The following RASA2 variants were observed in gnomAD, a reference collection of about 807,000 sequenced individuals.
RASA2 encodes ras GTPase-activating protein 2.
RASA2 carries 155 observed loss-of-function variants against 118.2 expected under a neutral mutation model. The ratio of observed to expected loss-of-function variants is 1.31; its 90% confidence interval spans 1.15 to 1.50. The LOEUF (loss-of-function observed/expected upper bound fraction) is 1.50. RASA2 is among the 40% of genes most tolerant of loss of function. The pLI, the probability that RASA2 is intolerant of heterozygous loss-of-function variation, is 0.00. For missense variants in RASA2, 1,016 were observed against 1,009.6 expected, an observed-to-expected ratio of 1.01 and a Z score of -0.09; for synonymous variants, 353 against 349.1, an observed-to-expected ratio of 1.01 and a Z score of -0.12.
chr3:141,490,251 C>G (rs939265941), intron 1 of RASA2, among the ~76,000 whole-genome samples: 1 of 150,714 alleles, frequency 6.6e-6, no homozygotes, highest in African/African-American at 2.4e-5. Context: ...GTACTCGACT[C>G]CATTCTTCGG....
chr3:141,586,979 A>C (rs1426554534), intron 19 of RASA2: 2 of 539,156 alleles, frequency 3.7e-6, no homozygotes, highest in East Asian at 3.7e-5. Flanking sequence ...GTGTTCCTTC[A>C]GTGTGCTCTG....
In RASA2 at chr3:141,559,985, C is replaced by T. The variant is rs745363841; in HGVS notation, c.853C>T (p.His285Tyr). 1 of 1,612,398 alleles carries T rather than the reference C, an allele frequency of 6.2e-7. No homozygotes were observed. Among genetic ancestry groups the T allele is most frequent in the Non-Finnish European group, 8.5e-7 (1 of 1,178,670 alleles). The change falls in exon 9 of 24, where the codon CAT becomes TAT. Residue 285 changes from histidine (H) to tyrosine (Y), a missense_variant. Transcript: ENST00000286364. ...GAACGTATTAAGAACTGATTCCTCTCATCAAGCCTGGTAAGGGCCCAGCAT... is the reference window on the plus strand; with the variant it reads ...GAACGTATTAAGAACTGATTCCTCTTATCAAGCCTGGTAAGGGCCCAGCAT... ...PVNVLRTDSS[H>Y]QAWYLLQPRD... is the part of the protein sequence containing the mutation.
At chr3:141,499,839 T>G (rs1347697412) in intron 1 of RASA2, among the ~76,000 whole-genome samples, 1 of 152,198 alleles carries the variant, frequency 6.6e-6, no homozygotes, top group Non-Finnish European at 1.5e-5. Flanking sequence ...CCCGCCCACC[T>G]CGGCCTCCCA....
At chr3:141,541,539 C>T (rs1256766168) in intron 5 of RASA2, among the ~76,000 whole-genome samples, 1 of 151,898 alleles carries the variant, frequency 6.6e-6, no homozygotes, top group African/African-American at 2.4e-5. Flanking sequence ...TAAATAACTC[C>T]AGTACAGTTA....
At chr3:141,522,086 G>T (rs1182848218) in intron 3 of RASA2, among the ~76,000 whole-genome samples, 3 of 151,472 alleles carry the variant, frequency 2.0e-5, no homozygotes, top group Non-Finnish European at 2.9e-5. Flanking sequence ...GATTTTAGGG[G>T]TTTTTTATTT....
At chr3:141,551,677 C>A (rs1310057790) in intron 5 of RASA2, among the ~76,000 whole-genome samples, 1 of 151,992 alleles carries the variant, frequency 6.6e-6, no homozygotes, top group East Asian at 1.9e-4. Context: ...TTGTTCAATT[C>A]GTTTTGGGTG....
At position 141,586,740 on chromosome 3, in the gene RASA2, C is replaced by T. The variant is rs755110255; in HGVS notation, c.1921C>T (p.His641Tyr). The part of the protein sequence containing the change: ...FCLTSRELTY[H>Y]KQPGKDAIYT... ...CTTAACAAGCAGAGAGCTCACCTAC[C>T]ACAAACAGCCAGGTAGTTGTGTTTA... is the stretch of plus-strand genomic sequence containing the variant. The change falls in exon 19 of 24, where the codon CAC (histidine) becomes TAC (tyrosine). Residue 641 changes from histidine (H) to tyrosine (Y), a missense_variant. Physicochemically the swap from His to Tyr is moderately conservative, Grantham distance 83 (BLOSUM62 2). This residue lies in a region of RASA2 where 896 missense variants were observed against 836.4 expected (regional missense o/e 1.07). Transcript: ENST00000286364. 12 of 1,610,878 alleles carry T rather than the reference C, an allele frequency of 7.4e-6. No homozygotes were observed. The South Asian group carries it at 1.3e-4, about 18-fold the overall frequency.
At chr3:141,534,652 A>G (rs1413107309) in intron 4 of RASA2, among the ~76,000 whole-genome samples, 1 of 152,146 alleles carries the variant, frequency 6.6e-6, no homozygotes, top group Admixed American at 6.5e-5. Context: ...AAGAAATGCA[A>G]TGATTATAGC....
intron 4 of RASA2, among the ~76,000 whole-genome samples, chr3:141,533,935 C>T (rs1298511496): frequency 6.6e-6 from 1 of 152,172 alleles, no homozygotes; most frequent in African/African-American, 2.4e-5. Context: ...CCTCATCTTA[C>T]TTGATCTTTG....
At position 141,612,680 on chromosome 3, in the gene RASA2, C is replaced by T. The variant is rs2083670641; in HGVS notation, c.*367C>T. 1 of 185,106 alleles carries T rather than the reference C, an allele frequency of 5.4e-6. No homozygotes were observed. Among genetic ancestry groups the T allele is most frequent in the African/African-American group, 2.4e-5 (1 of 42,004 alleles). The allele number at this position is 185,106 out of a possible 1,614,324, so 11.5% of individuals were successfully genotyped here. On this transcript the variant is annotated 3_prime_UTR_variant, in exon 24 of 24. Coordinates refer to ENST00000286364, the MANE Select transcript of RASA2 (RefSeq NM_006506.5). The stretch of plus-strand genomic sequence containing the variant: ...TCTGTGGACTTGTTTTCACTACCAT[C>T]AGTGCCTGCTCTATACTGCCAACAT...
chr3:141,503,084 C>T (rs1354107670), intron 1 of RASA2, among the ~76,000 whole-genome samples: 2 of 152,066 alleles, frequency 1.3e-5, no homozygotes, highest in East Asian at 1.9e-4. Context: ...GTTGTCGTAC[C>T]GATCAAATGA....
Position 141,609,997 on chromosome 3 carries a change from T to G in RASA2, c.2450T>G (p.Ile817Ser). 3.1e-6 allele frequency: 5 copies of G among 1,606,306 alleles called. No individual in the cohort carries two copies. Among genetic ancestry groups the G allele is most frequent in the African/African-American group, 1.3e-5 (1 of 74,574 alleles). ...ACAATTCAGCAAATAAAAAGCATAA[T>G]TGAGAAGCTGGATGAACCTCATGAA... is the stretch of plus-strand genomic sequence containing the variant. Reference protein sequence around the residue: ...FKTIQQIKSIIEKLDEPHEKY... With the variant: ...FKTIQQIKSISEKLDEPHEKY... Residue 817 changes from isoleucine (I) to serine (S), a missense_variant, in exon 23 of 24, where the codon ATT becomes AGT. By Grantham distance (142) the Ile-to-Ser change is moderately radical. This residue lies in a region of RASA2 where 120 missense variants were observed against 173.2 expected (regional missense o/e 0.69). Transcript: ENST00000286364.
intron 15 of RASA2, among the ~76,000 whole-genome samples, chr3:141,580,070 AAAAAAAAAAAAAAAAAT>A: frequency 6.5e-5 from 3 of 46,082 alleles, no homozygotes; most frequent in African/African-American, 3.8e-4. Context: ...AAAAAAAAAG[AAAAAAAAAAAAAAAAAT>A]ATATATATAT....
Position 141,540,628 on chromosome 3 carries a change from CA to C in RASA2, c.527+23del, listed in dbSNP as rs1450141763. The C allele has an allele frequency of 6.4e-7, 1 of 1,567,008 alleles. No individual in the cohort carries two copies. The highest frequency in any genetic ancestry group is 1.1e-5 in the South Asian group (1 of 88,054). ...TTGTACAGTAAGCATTTTTTTTAAC[CA>C]AAATCAACTAGAAATAATTCTCCAT... On this transcript the variant is annotated intron_variant, in intron 5 of 23. Coordinates refer to ENST00000286364, the MANE Select transcript of RASA2 (RefSeq NM_006506.5).
At chr3:141,591,780 A>G (rs2107782865) in intron 19 of RASA2, among the ~76,000 whole-genome samples, 1 of 152,254 alleles carries the variant, frequency 6.6e-6, no homozygotes, top group Admixed American at 6.5e-5. Context: ...GCCAGTGGAC[A>G]TTGTAAAAGA....
intron 9 of RASA2, among the ~76,000 whole-genome samples, chr3:141,569,888 G>A (rs1011496893): frequency 6.6e-6 from 1 of 152,000 alleles, no homozygotes; most frequent in African/African-American, 2.4e-5. Context: ...TAGGGTATTT[G>A]GTTTTCTGTT....
intron 19 of RASA2, among the ~76,000 whole-genome samples, chr3:141,604,241 G>A (rs746182407): frequency 2.0e-4 from 30 of 151,838 alleles, no homozygotes; most frequent in Non-Finnish European, 3.5e-4. Flanking sequence ...TTTGTTTTGT[G>A]TTTTCTATTT....
Position 141,504,290 on chromosome 3 carries a change from C to T in RASA2, c.134-7873C>T, listed in dbSNP as rs566555494. 9.2e-5 allele frequency among the ~76,000 whole-genome samples: 14 copies of T among 152,292 alleles called. No homozygotes were observed. The South Asian group carries it at 2.7e-3, about 29-fold the overall frequency. ...TGGTTTTGTAAATTTTATGTACTTA[C>T]TGATGATTCTCAAATTTTTTCTCTA... On this transcript the variant is annotated intron_variant, in intron 1 of 23. Transcript: ENST00000286364.
chr3:141,528,120 G>A (rs368273190), intron 3 of RASA2, among the ~76,000 whole-genome samples: 2 of 151,370 alleles, frequency 1.3e-5, no homozygotes, highest in East Asian at 3.9e-4. Flanking sequence ...CTTTCAATAG[G>A]CCTCCTTCGA....
Sources: gnomAD v4.1 joint callset for allele counts (sites outside exome capture counted in the v4.1 genomes callset) on GRCh38, gnomAD v4.1.1 for gene constraint, gnomAD v4.1.1 regional missense constraint, MANE v1.5 for transcripts, NCBI Gene and HGNC (gene_info 2026-07-23, HGNC 2026-07-21) for gene names.